The following SLC24A3 variants were observed in gnomAD, a reference collection of about 807,000 sequenced individuals.
SLC24A3 encodes the protein sodium/potassium/calcium exchanger 3.
A neutral mutation model predicts 75.8 loss-of-function variants in SLC24A3; 28 were observed. The ratio of observed to expected loss-of-function variants is 0.37; its 90% CI spans 0.27 to 0.51. SLC24A3 has a LOEUF of 0.51. Ranked by LOEUF, SLC24A3 falls within the 20% of genes least tolerant of loss-of-function variation. The probability of loss-of-function intolerance (pLI) is 0.94; values close to 1 mark genes in which losing one functional copy is unlikely to be tolerated. For synonymous variants in SLC24A3, 372 were observed against 334.1 expected (o/e 1.11, Z -1.24); for missense variants, 663 against 847.8 (o/e 0.78, Z 2.71).
rs556634872 is a variant in SLC24A3 at position 19,588,379 on chromosome 20, G to A, written c.612+2835G>A. 7.9e-5 allele frequency among the ~76,000 whole-genome samples: 12 copies of A among 152,272 alleles called. No homozygotes were observed. In the South Asian group the frequency reaches 2.5e-3, roughly 32 times the overall value. ...GGCCTCCCTCTATGAATTTCAGCATGGAGGGTTGCACATGACCAAGTCTGT... is the reference window on the plus strand; with the variant it reads ...GGCCTCCCTCTATGAATTTCAGCATAGAGGGTTGCACATGACCAAGTCTGT... On this transcript the variant is annotated intron_variant, in intron 6 of 16. Coordinates refer to ENST00000328041, the MANE Select transcript of SLC24A3 (RefSeq NM_020689.4).
At position 19,454,869 on chromosome 20, in the gene SLC24A3, T is replaced by G. The variant is rs146997152; in HGVS notation, c.272-60619T>G. The stretch of plus-strand genomic sequence containing the variant: ...AAAGAGCAGTTCCTCTAGAAATTGC[T>G]TGTATTTTCTAGTTTTCATCAGTGT... On this transcript the variant is annotated intron_variant, in intron 2 of 16. Coordinates refer to ENST00000328041, the MANE Select transcript of SLC24A3 (RefSeq NM_020689.4). 4.1e-3 allele frequency among the ~76,000 whole-genome samples: 617 copies of G among 152,278 alleles called. 3 individuals carry two copies. The highest frequency in any genetic ancestry group is 0.014 in the African/African-American group (595 of 41,528).
chr20:19,416,755 T>G (rs1345371652), intron 2 of SLC24A3, among the ~76,000 whole-genome samples: 1 of 152,238 alleles, frequency 6.6e-6, no homozygotes, highest in Non-Finnish European at 1.5e-5. Context: ...ATTCCCTTGC[T>G]TGGTCATTTC....
intron 2 of SLC24A3, among the ~76,000 whole-genome samples, chr20:19,335,958 T>C (rs1985121876): frequency 6.6e-6 from 1 of 152,232 alleles, no homozygotes; most frequent in Non-Finnish European, 1.5e-5. Flanking sequence ...ACCCACCATA[T>C]AGCCCCTGGG....
At chr20:19,573,515 G>A (rs1395802189) in intron 3 of SLC24A3, among the ~76,000 whole-genome samples, 2 of 152,170 alleles carry the variant, frequency 1.3e-5, no homozygotes, top group Non-Finnish European at 2.9e-5. Flanking sequence ...CAAGTACAGA[G>A]CCCCCAGCTA....
At chr20:19,601,413 G>T (rs535987864) in intron 6 of SLC24A3, among the ~76,000 whole-genome samples, 1 of 152,198 alleles carries the variant, frequency 6.6e-6, no homozygotes, top group South Asian at 2.1e-4. Flanking sequence ...TTCCCTTTAT[G>T]TGGGGATCCA....
At chr20:19,292,980 C>G (rs1332817312) in intron 2 of SLC24A3, among the ~76,000 whole-genome samples, 1 of 152,108 alleles carries the variant, frequency 6.6e-6, no homozygotes, top group Admixed American at 6.5e-5. Context: ...AATCATCTTC[C>G]CAAAGGTCTT....
chr20:19,579,897 T>C, intron 3 of SLC24A3, 103 bp from the exon 4 acceptor site: 1 of 780,908 alleles, frequency 1.3e-6, no homozygotes, highest in Non-Finnish European at 2.1e-6. Flanking sequence ...GGTGTTGAAT[T>C]CATGATGACA....
At chr20:19,582,820 G>A (rs974657722) in intron 4 of SLC24A3, among the ~76,000 whole-genome samples, 10 of 152,188 alleles carry the variant, frequency 6.6e-5, no homozygotes, top group African/African-American at 2.2e-4. Flanking sequence ...AAAGCGCAGC[G>A]AGTGGAAGGG....
intron 6 of SLC24A3, among the ~76,000 whole-genome samples, chr20:19,596,860 G>A (rs529972514): frequency 5.3e-5 from 8 of 152,282 alleles, no homozygotes; most frequent in African/African-American, 1.7e-4. Context: ...CATTTGCTAC[G>A]GTGTGGATTG....
In SLC24A3 at chr20:19,674,684, A is replaced by G. The variant is rs149332377; in HGVS notation, c.767+1030A>G. Among the ~76,000 whole-genome samples the G allele has an allele frequency of 3.2e-3, 491 of 152,282 alleles. 2 individuals are homozygous for G. The highest frequency in any genetic ancestry group is 0.011 in the African/African-American group (449 of 41,552). On this transcript the variant is annotated intron_variant, in intron 9 of 16. Transcript: ENST00000328041. ...CTTAGTGAAGGGAAAAATGTCAAAG[A>G]ACTGTTGAGGTATTTTAAAACCACC...
chr20:19,280,521 A>G (rs1197848718), intron 1 of SLC24A3, among the ~76,000 whole-genome samples: 1 of 152,140 alleles, frequency 6.6e-6, no homozygotes, highest in African/African-American at 2.4e-5. Flanking sequence ...ACCATTTTCA[A>G]TGATGTCATG....
chr20:19,534,473 C>T (rs939770563), intron 3 of SLC24A3, among the ~76,000 whole-genome samples: 17 of 140,716 alleles, frequency 1.2e-4, no homozygotes, highest in African/African-American at 4.2e-4. Context: ...TGCAGTGGCA[C>T]GATCTTGGCT....
chr20:19,649,443 A>G (rs951412469), intron 6 of SLC24A3, among the ~76,000 whole-genome samples: 1 of 152,254 alleles, frequency 6.6e-6, no homozygotes, highest in African/African-American at 2.4e-5. Flanking sequence ...TCTCCCTCCT[A>G]GAATATATCC....
At chr20:19,317,471 C>T (rs1984612446) in intron 2 of SLC24A3, among the ~76,000 whole-genome samples, 6 of 152,190 alleles carry the variant, frequency 3.9e-5, no homozygotes, top group Admixed American at 2.6e-4. Context: ...GCTGCATTCA[C>T]AGAAAAGAGG....
intron 1 of SLC24A3, among the ~76,000 whole-genome samples, chr20:19,275,657 G>T (rs906092856): frequency 6.6e-6 from 1 of 152,186 alleles, no homozygotes; most frequent in Non-Finnish European, 1.5e-5. Flanking sequence ...CGGTAGGGGA[G>T]GAGGAGGGAG....
At chr20:19,268,143 G>T (rs1306553099) in intron 1 of SLC24A3, among the ~76,000 whole-genome samples, 1 of 152,150 alleles carries the variant, frequency 6.6e-6, no homozygotes, top group East Asian at 1.9e-4. Flanking sequence ...AGGAAAGTAG[G>T]TGAGCTAGGA....
chr20:19,557,628 T>C (rs1296875682), intron 3 of SLC24A3, among the ~76,000 whole-genome samples: 1 of 152,140 alleles, frequency 6.6e-6, no homozygotes, highest in Non-Finnish European at 1.5e-5. Flanking sequence ...TTACTTTGGG[T>C]TTTGAGGTCA....
chr20:19,663,148 A>G (rs2032349930), intron 7 of SLC24A3, among the ~76,000 whole-genome samples: 1 of 151,974 alleles, frequency 6.6e-6, no homozygotes, highest in South Asian at 2.1e-4. Flanking sequence ...AGCTCACTGC[A>G]GCCTCAAACT....
chr20:19,575,152 T>A (rs890044572), intron 3 of SLC24A3, among the ~76,000 whole-genome samples: 2 of 148,426 alleles, frequency 1.3e-5, no homozygotes, highest in Admixed American at 1.4e-4. Flanking sequence ...CTCAGGCAGC[T>A]AAGGTAGGAG....
Sources: gnomAD v4.1 joint callset for allele counts (sites outside exome capture counted in the v4.1 genomes callset) on GRCh38, gnomAD v4.1.1 for gene constraint, MANE v1.5 for transcripts, NCBI Gene and HGNC (gene_info 2026-07-23, HGNC 2026-07-21) for gene names.